Variants in TASOR2 observed in about 807,000 individuals in gnomAD.
TASOR2 encodes protein TASOR 2.
Under a neutral mutation model 199.5 loss-of-function variants are expected in TASOR2, and 84 were observed. That is an observed-to-expected ratio of 0.42 (90% CI 0.35 to 0.50). TASOR2 has a LOEUF of 0.50. Among genes scored for constraint, TASOR2 ranks in the 20% least tolerant of loss-of-function variants. The pLI is 0.02. For missense variants in TASOR2, 2,796 were observed against 2,835.9 expected, an observed-to-expected ratio of 0.99 and a Z score of 0.32; for synonymous variants, 1,103 against 1,046.6, an observed-to-expected ratio of 1.05 and a Z score of -1.04.
chr10:5,718,852 CG>C (rs774160915), intron 3 of TASOR2, among the ~76,000 whole-genome samples: 2 of 151,620 alleles, frequency 1.3e-5, no homozygotes, highest in Non-Finnish European at 2.9e-5. Context: ...TCTTGCTCTG[CG>C]ATGAGTGCTG....
In TASOR2 at chr10:5,706,018, G is replaced by A. The variant is rs185634367; in HGVS notation, c.-287-6805G>A. On this transcript the variant is annotated intron_variant, in intron 1 of 20. Transcript: ENST00000328090. The surrounding 1 kb of genome is among the most constrained non-coding windows in gnomAD (Gnocchi z 4.8). ...CAAATAGTTATAGTTTTTATGTTTA[G>A]GTCTGTGATTCATTTTGAGTTAAAT... Among the ~76,000 whole-genome samples the A allele has an allele frequency of 5.3e-5, 8 of 152,064 alleles. No homozygotes were observed. The highest frequency in any genetic ancestry group is 2.6e-4 in the Admixed American group (4 of 15,280).
chr10:5,727,997 A>G (rs1834272163), intron 10 of TASOR2, among the ~76,000 whole-genome samples: 1 of 151,718 alleles, frequency 6.6e-6, no homozygotes, highest in South Asian at 2.1e-4. Flanking sequence ...CGAGGCAGGT[A>G]GATTTCTTGA....
exon 15 of TASOR2, chr10:5,747,558 G>T: frequency 6.2e-7 from 1 of 1,614,136 alleles, no homozygotes; most frequent in Middle Eastern, 1.6e-4. Flanking sequence ...GCACCCTTGA[G>T]ATTGCAGAGG....
Position 5,731,000 on chromosome 10 carries a change from A to C in TASOR2, c.1001A>C (p.Lys334Thr), listed in dbSNP as rs745913437. 2 of 1,614,032 alleles carry C rather than the reference A, an allele frequency of 1.2e-6. No homozygotes were observed. Among genetic ancestry groups the C allele is most frequent in the Admixed American group, 3.3e-5 (2 of 59,998 alleles). ...TCTGAAGAAATGTTGAAAGCAAAGAAGAGAGTTTTTCCATTGAGTCCAGCG... is the reference window on the plus strand; with the variant it reads ...TCTGAAGAAATGTTGAAAGCAAAGACGAGAGTTTTTCCATTGAGTCCAGCG... The change falls in exon 11 of 21, where the codon AAG becomes ACG. Residue 334 changes from lysine to threonine, a missense_variant. Lys to Thr is a moderately conservative substitution (Grantham distance 78, BLOSUM62 -1). Coordinates refer to ENST00000328090, the Ensembl canonical transcript of TASOR2. This position sits in a 1 kb window ranked among gnomAD's most constrained non-coding sequence, Gnocchi z 4.1.
exon 15 of TASOR2, chr10:5,747,277 C>G (rs1470468761): frequency 3.1e-6 from 5 of 1,614,046 alleles, no homozygotes; most frequent in Non-Finnish European, 4.2e-6. Flanking sequence ...TGACTTAGCT[C>G]TAACAATATC....
chr10:5,726,560 T>C (rs1834081347), intron 8 of TASOR2, among the ~76,000 whole-genome samples: 1 of 152,240 alleles, frequency 6.6e-6, no homozygotes, highest in Non-Finnish European at 1.5e-5. Flanking sequence ...TGGTAACATA[T>C]TGGCTGTTTA....
chr10:5,760,073 A>C (rs779896905), intron 18 of TASOR2, among the ~76,000 whole-genome samples: 1 of 152,260 alleles, frequency 6.6e-6, no homozygotes, highest in South Asian at 2.1e-4. Context: ...GAGAAACGTC[A>C]TAAGACGATT....
intron 6 of TASOR2, among the ~76,000 whole-genome samples, chr10:5,723,335 C>T (rs1374917689): frequency 5.3e-5 from 8 of 152,024 alleles, no homozygotes; most frequent in African/African-American, 1.4e-4. Context: ...GGATTACAGG[C>T]GTGAGCCACC....
Position 5,701,623 on chromosome 10 carries a change from C to G in TASOR2, c.-287-11200C>G. On this transcript the variant is annotated intron_variant, in intron 1 of 20. Coordinates refer to ENST00000328090, the Ensembl canonical transcript of TASOR2. The surrounding 1 kb of genome is among the most constrained non-coding windows in gnomAD (Gnocchi z 4.9). ...GTATCTTTCTATTTTTTAATGTCCACTTCAATTTCTTTCATCATTGTTTTA... is the reference window on the plus strand; with the variant it reads ...GTATCTTTCTATTTTTTAATGTCCAGTTCAATTTCTTTCATCATTGTTTTA... 6.6e-6 allele frequency among the ~76,000 whole-genome samples: 1 copy of G among 152,124 alleles called. No individual in the cohort carries two copies. Among genetic ancestry groups the G allele is most frequent in the East Asian group, 1.9e-4 (1 of 5,198 alleles).
At chr10:5,693,232 G>A (rs1047227889) in intron 1 of TASOR2, among the ~76,000 whole-genome samples, 3 of 152,192 alleles carry the variant, frequency 2.0e-5, no homozygotes, top group Admixed American at 1.3e-4. Flanking sequence ...TGGAGCCCTT[G>A]CAGAACCGCC....
At chr10:5,746,096 T>C (rs567260182) in intron 14 of TASOR2, 83 bp from the exon 16 acceptor site, 5 of 1,377,126 alleles carry the variant, frequency 3.6e-6, no homozygotes, top group Non-Finnish European at 4.8e-6. Context: ...TTTTATCTTT[T>C]CTGTTCTTCA....
At chr10:5,746,479 C>T (rs562530077) in exon 15 of TASOR2, 2 of 1,613,942 alleles carry the variant, frequency 1.2e-6, no homozygotes, top group African/African-American at 1.3e-5. Flanking sequence ...TTTACAGGAC[C>T]TTATCCAACA....
At chr10:5,707,097 A>G (rs1215913019) in intron 1 of TASOR2, among the ~76,000 whole-genome samples, 1 of 152,148 alleles carries the variant, frequency 6.6e-6, no homozygotes, top group Non-Finnish European at 1.5e-5. Flanking sequence ...TAACGTCTCT[A>G]TCCATGGCAG....
At chr10:5,733,375 G>T (rs184978965) in intron 11 of TASOR2, among the ~76,000 whole-genome samples, 3 of 152,136 alleles carry the variant, frequency 2.0e-5, no homozygotes, top group Non-Finnish European at 4.4e-5. Flanking sequence ...AGGTATGGGG[G>T]CACTTGCCTG....
At chr10:5,684,926 C>T (rs1835638051) in exon 1 of TASOR2, 1 of 397,926 alleles carries the variant, frequency 2.5e-6, no homozygotes, top group African/African-American at 2.1e-5. Context: ...GCCCGTGACC[C>T]TGACGGGAGA....
At position 5,731,027 on chromosome 10, in the gene TASOR2, C is replaced by G; in HGVS notation, c.1028C>G (p.Ser343Ter). Residue 343 changes from serine (S) to a stop codon, truncating the protein, a stop_gained, in exon 11 of 21, where the codon TCA (serine) becomes TGA (stop). Transcript: ENST00000328090. LOFTEE classifies it high-confidence loss of function. Reference sequence around the variant, plus strand: ...AGAGTTTTTCCATTGAGTCCAGCGTCAAATCTGAGAGTGCAGCCTAAGAGG... The same window carrying G: ...AGAGTTTTTCCATTGAGTCCAGCGTGAAATCTGAGAGTGCAGCCTAAGAGG... The G allele has an allele frequency of 6.2e-7, 1 of 1,614,090 alleles. No homozygotes were observed. Among genetic ancestry groups the G allele is most frequent in the Non-Finnish European group, 8.5e-7 (1 of 1,180,028 alleles).
exon 15 of TASOR2, chr10:5,749,959 G>C (rs1406308009): frequency 1.2e-6 from 2 of 1,613,988 alleles, no homozygotes; most frequent in East Asian, 4.5e-5. Context: ...TGTGAAAGAG[G>C]CTTGTAAAAG....
At chr10:5,712,238 A>G (rs2131549477) in intron 1 of TASOR2, 1 of 445,754 alleles carries the variant, frequency 2.2e-6, no homozygotes, top group Non-Finnish European at 3.6e-6. Flanking sequence ...TTTTCTTTAC[A>G]TCAGAGGTCT....
At chr10:5,700,353 T>G (rs1373892524) in intron 1 of TASOR2, among the ~76,000 whole-genome samples, 1 of 152,178 alleles carries the variant, frequency 6.6e-6, no homozygotes, top group Non-Finnish European at 1.5e-5. Flanking sequence ...CTGAGGTTGA[T>G]TTTATATTTT....
Sources: gnomAD v4.1 joint callset for allele counts (sites outside exome capture counted in the v4.1 genomes callset) on GRCh38, gnomAD v4.1.1 for gene constraint, Gnocchi (gnomAD v3.1) non-coding constraint, MANE v1.5 for transcripts, NCBI Gene and HGNC (gene_info 2026-07-23, HGNC 2026-07-21) for gene names.